COX6B1: variants seen among roughly 807,000 people sequenced by gnomAD.
The protein encoded by COX6B1 is COX VIb-1.
Under a neutral mutation model 14.0 loss-of-function variants are expected in COX6B1, and 2 were observed. The observed-to-expected ratio is 0.14, with a 90% CI of 0.06 to 0.45. COX6B1 has a LOEUF of 0.45. Ranked by LOEUF, COX6B1 falls within the 20% of genes least tolerant of loss-of-function variation. The probability of loss-of-function intolerance (pLI) is 0.98; values close to 1 mark genes in which losing one functional copy is unlikely to be tolerated. For synonymous variants in COX6B1, 30 were observed against 39.7 expected (o/e 0.76, Z 0.92); for missense variants, 81 against 114.2 (o/e 0.71, Z 1.33).
At chr19:35,654,070 A>AT (rs1214398182) in intron 2 of COX6B1, among the ~76,000 whole-genome samples, 1 of 151,952 alleles carries the variant, frequency 6.6e-6, no homozygotes, top group East Asian at 1.9e-4. Context: ...TTGTGTTTGG[A>AT]TTTTTTCATT....
chr19:35,654,528 T>G, intron 2 of COX6B1, 43 bp from the exon 3 acceptor site: 1 of 1,567,482 alleles, frequency 6.4e-7, no homozygotes, highest in African/African-American at 1.4e-5. Context: ...AAAAATGTGT[T>G]CCAACTCTTG....
chr19:35,658,531 A>T, intron 3 of COX6B1, 63 bp from the exon 4 acceptor site: 1 of 1,449,556 alleles, frequency 6.9e-7, no homozygotes, highest in East Asian at 2.3e-5. Context: ...CAAAGTGAGG[A>T]AGATAAGAAG....
At chr19:35,654,461 T>G (rs1184130483) in intron 2 of COX6B1, 110 bp from the exon 3 acceptor site, 2 of 873,030 alleles carry the variant, frequency 2.3e-6, no homozygotes, top group African/African-American at 3.3e-5. Context: ...TGAGCTGAGA[T>G]CGCACCACTG....
intron 2 of COX6B1, 120 bp from the exon 3 acceptor site, chr19:35,654,451 T>C: frequency 3.7e-6 from 3 of 811,746 alleles, no homozygotes; most frequent in Non-Finnish European, 6.4e-6. Flanking sequence ...GAGGTTGCAG[T>C]GAGCTGAGAT....
intron 3 of COX6B1, among the ~76,000 whole-genome samples, chr19:35,655,689 G>A (rs910564356): frequency 3.3e-5 from 5 of 151,904 alleles, no homozygotes; most frequent in African/African-American, 1.2e-4. Flanking sequence ...GAACTCCTGG[G>A]CTCAAGTGTT....
At chr19:35,652,590 A>G (rs567119898) in intron 2 of COX6B1, among the ~76,000 whole-genome samples, 2 of 148,294 alleles carry the variant, frequency 1.3e-5, no homozygotes, top group Admixed American at 6.8e-5. Flanking sequence ...ACCCGCCACC[A>G]TGCCCAGCTA....
chr19:35,653,682 A>G (rs1339461784), intron 2 of COX6B1, among the ~76,000 whole-genome samples: 1 of 141,596 alleles, frequency 7.1e-6, no homozygotes, highest in Non-Finnish European at 1.5e-5. Flanking sequence ...CTGGGTTCAC[A>G]CCATTCTCCT....
intron 3 of COX6B1, among the ~76,000 whole-genome samples, chr19:35,657,315 C>T (rs1461081961): frequency 1.3e-5 from 2 of 151,780 alleles, no homozygotes; most frequent in East Asian, 1.9e-4. Flanking sequence ...CAATAGGGTT[C>T]GCACTCCTAA....
intron 3 of COX6B1, among the ~76,000 whole-genome samples, chr19:35,658,065 G>A (rs1222405256): frequency 6.6e-6 from 1 of 152,132 alleles, no homozygotes. Context: ...GTGCTGGGAT[G>A]ACAGGTGCGA....
intron 3 of COX6B1, among the ~76,000 whole-genome samples, chr19:35,655,833 C>CTCTTTCTCACTCTT (rs1186186739): frequency 1.3e-5 from 2 of 151,392 alleles, no homozygotes; most frequent in African/African-American, 4.9e-5. Flanking sequence ...CTCTCGCTCT[C>CTCTTTCTCACTCTT]TCTTTCTCAC....
intron 3 of COX6B1, among the ~76,000 whole-genome samples, chr19:35,655,504 G>C (rs1043983584): frequency 1.3e-5 from 2 of 151,836 alleles, no homozygotes; most frequent in Admixed American, 1.3e-4. Flanking sequence ...TTTCACCCCT[G>C]CCTACTTCAG....
chr19:35,649,627 C>T (rs556286532), intron 1 of COX6B1, among the ~76,000 whole-genome samples: 5 of 151,780 alleles, frequency 3.3e-5, no homozygotes, highest in Admixed American at 6.6e-5. Context: ...TACAGGTGCA[C>T]GCCACCATGC....
intron 1 of COX6B1, 46 bp from the exon 2 acceptor site, chr19:35,651,187 C>T (rs1333416561): frequency 7.9e-7 from 1 of 1,263,146 alleles, no homozygotes; most frequent in African/African-American, 1.5e-5. Flanking sequence ...CTGGCTTGCT[C>T]AGGGCCCCTG....
intron 2 of COX6B1, among the ~76,000 whole-genome samples, chr19:35,652,783 A>G (rs192385312): frequency 6.6e-6 from 1 of 150,824 alleles, no homozygotes; most frequent in African/African-American, 2.4e-5. Context: ...TTATTATTTT[A>G]TTTTATTTTA....
At chr19:35,654,281 G>T (rs1967863144) in intron 2 of COX6B1, among the ~76,000 whole-genome samples, 1 of 152,158 alleles carries the variant, frequency 6.6e-6, no homozygotes, top group African/African-American at 2.4e-5. Flanking sequence ...CTAGCACTTT[G>T]GGAGGCCGAG....
intron 3 of COX6B1, 113 bp from the exon 4 acceptor site, chr19:35,658,481 C>T: frequency 1.1e-6 from 1 of 888,258 alleles, no homozygotes. Flanking sequence ...GGTTGGCACA[C>T]AGCAGGTACC....
At position 35,654,654 on chromosome 19, in the gene COX6B1, C is replaced by T; in HGVS notation, c.190C>T (p.Leu64Phe). The change falls in exon 3 of 4, where the codon CTC (leucine) becomes TTC (phenylalanine). Residue 64 changes from leucine (L) to phenylalanine (F), a missense_variant. Coordinates refer to ENST00000649813, the MANE Select transcript of COX6B1 (RefSeq NM_001863.5). ...ATGGTACCAGCGTGTGTACCAGTCC[C>T]TCTGCCCCACATCCTGGGTATGTGC... Reference protein sequence around the residue: ...CEWYQRVYQSLCPTSWVTDWD... With the variant: ...CEWYQRVYQSFCPTSWVTDWD... 6.2e-7 allele frequency: 1 copy of T among 1,614,160 alleles called. No individual in the cohort carries two copies. The highest frequency in any genetic ancestry group is 8.5e-7 in the Non-Finnish European group (1 of 1,180,024).
chr19:35,657,721 A>G (rs983684469), intron 3 of COX6B1, among the ~76,000 whole-genome samples: 2 of 142,542 alleles, frequency 1.4e-5, no homozygotes, highest in Non-Finnish European at 3.0e-5. Context: ...CAGTGGTAGC[A>G]TCATAGCTCA....
In COX6B1 at chr19:35,654,590, G is replaced by A. The variant is rs202098389; in HGVS notation, c.126G>A (p.Lys42=). Reference sequence around the variant, plus strand: ...TCACAGACTTCCACCGCTGTCAGAAGGCAATGACCGCTAAAGGAGGCGATA... The same window carrying A: ...TCACAGACTTCCACCGCTGTCAGAAAGCAATGACCGCTAAAGGAGGCGATA... ...QNYLDFHRCQ[K]AMTAKGGDIS... The change falls in exon 3 of 4, where the codon AAG becomes AAA. Residue 42 remains lysine (K), a synonymous_variant. Coordinates refer to ENST00000649813, the MANE Select transcript of COX6B1 (RefSeq NM_001863.5). 2.0e-5 allele frequency: 32 copies of A among 1,614,142 alleles called. No individual in the cohort carries two copies. The African/African-American group carries it at 3.7e-4, about 19-fold the overall frequency.
Sources: allele counts gnomAD v4.1 joint callset (sites outside exome capture counted in the v4.1 genomes callset), GRCh38; gene constraint gnomAD v4.1.1; transcripts MANE v1.5; gene names NCBI Gene and HGNC (gene_info 2026-07-23, HGNC 2026-07-21).